TTC6: variants seen among roughly 807,000 people sequenced by gnomAD.
The protein encoded by TTC6 is tetratricopeptide repeat protein 6.
Under a neutral mutation model 210.4 loss-of-function variants are expected in TTC6, and 172 were observed. The observed-to-expected ratio is 0.82, with a 90% CI of 0.72 to 0.93. TTC6 has a LOEUF of 0.93. Ranked by LOEUF, TTC6 falls within the 40% of genes least tolerant of loss-of-function variation. The pLI is 0.00. For missense variants in TTC6, 2,414 were observed against 2,318.1 expected, an observed-to-expected ratio of 1.04 and a Z score of -0.85; for synonymous variants, 804 against 819.6, an observed-to-expected ratio of 0.98 and a Z score of 0.32.
exon 7 of TTC6, chr14:37,724,932 G>T: frequency 6.5e-7 from 1 of 1,526,916 alleles, no homozygotes; most frequent in Non-Finnish European, 8.8e-7. Flanking sequence ...AAGTTGTTTT[G>T]GAATACAGCT....
At chr14:37,615,435 C>T (rs371690775) in intron 2 of TTC6, among the ~76,000 whole-genome samples, 4 of 152,140 alleles carry the variant, frequency 2.6e-5, no homozygotes, top group East Asian at 1.9e-4. Flanking sequence ...TGAATGTTAG[C>T]GCTTTTTGGT....
intron 14 of TTC6, among the ~76,000 whole-genome samples, chr14:37,783,194 A>G (rs968279625): frequency 5.3e-5 from 8 of 152,292 alleles, no homozygotes; most frequent in African/African-American, 1.7e-4. Flanking sequence ...GAATAGTTTC[A>G]GAAGGAAGGG....
chr14:37,630,907 G>GTGTTTTTTTTTTTTTTTTTTTTTT (rs2095668293), intron 1 of TTC6, among the ~76,000 whole-genome samples: 1 of 33,064 alleles, frequency 3.0e-5, no homozygotes. Flanking sequence ...GGCAACCCCT[G>GTGTTTTTTTTTTTTTTTTTTTTTT]TTTTTTTTTT....
intron 22 of TTC6, among the ~76,000 whole-genome samples, chr14:37,807,032 G>A (rs1169976839): frequency 6.6e-6 from 1 of 151,582 alleles, no homozygotes; most frequent in Admixed American, 6.6e-5. Flanking sequence ...GAGGACTTGG[G>A]GTAAAGTATT....
chr14:37,770,300 C>G (rs907138009), intron 14 of TTC6, among the ~76,000 whole-genome samples: 1 of 152,092 alleles, frequency 6.6e-6, no homozygotes, highest in Non-Finnish European at 1.5e-5. Context: ...GTGGAGAGTT[C>G]TGTAGATGTC....
chr14:37,786,609 T>A (rs541280300), intron 14 of TTC6, among the ~76,000 whole-genome samples: 1 of 152,200 alleles, frequency 6.6e-6, no homozygotes, highest in Admixed American at 6.5e-5. Flanking sequence ...TTTGGCTCAC[T>A]GTCCGTGGGC....
chr14:37,652,097 C>T (rs1250726843), intron 1 of TTC6, among the ~76,000 whole-genome samples: 1 of 152,088 alleles, frequency 6.6e-6, no homozygotes, highest in Non-Finnish European at 1.5e-5. Context: ...TGAATTCAGG[C>T]AGGGCAGTAA....
At chr14:37,744,063 A>C (rs2138983311) in intron 10 of TTC6, among the ~76,000 whole-genome samples, 1 of 152,330 alleles carries the variant, frequency 6.6e-6, no homozygotes, top group South Asian at 2.1e-4. Flanking sequence ...ATGAAGGCAA[A>C]GTTTATCAGC....
At chr14:37,832,878 T>C in intron 29 of TTC6, among the ~76,000 whole-genome samples, 1 of 151,720 alleles carries the variant, frequency 6.6e-6, no homozygotes, top group Non-Finnish European at 1.5e-5. Flanking sequence ...GCCAATATGG[T>C]GAAACCCTGC....
intron 2 of TTC6, among the ~76,000 whole-genome samples, chr14:37,614,194 C>A (rs2095639015): frequency 1.3e-5 from 2 of 152,148 alleles, no homozygotes; most frequent in African/African-American, 4.8e-5. Context: ...TTAATAATAT[C>A]TTTTGTTTTT....
intron 1 of TTC6, among the ~76,000 whole-genome samples, chr14:37,633,850 C>G (rs2095674863): frequency 6.6e-6 from 1 of 152,156 alleles, no homozygotes; most frequent in African/African-American, 2.4e-5. Flanking sequence ...AACTCCTAGT[C>G]CCACCATGCA....
chr14:37,792,995 A>G (rs969715124), intron 17 of TTC6, among the ~76,000 whole-genome samples: 5 of 152,150 alleles, frequency 3.3e-5, no homozygotes, highest in Admixed American at 1.3e-4. Context: ...AATCCTCTCC[A>G]ATTCCAGCCA....
rs951124572 is a variant in TTC6, at chr14:37,665,694, C to T, written c.940-14457C>T. On this transcript the variant is annotated intron_variant, in intron 1 of 30. Transcript: ENST00000553443. Reference sequence around the variant, plus strand: ...AAAATGATGAACTGGCAAAATTAACCTTGAGCATCTTGAAGAAAAAGGGCT... The same window carrying T: ...AAAATGATGAACTGGCAAAATTAACTTTGAGCATCTTGAAGAAAAAGGGCT... Among the ~76,000 whole-genome samples, 2 of 150,416 alleles carry T rather than the reference C, an allele frequency of 1.3e-5. 1 individual carries two copies. The highest frequency in any genetic ancestry group is 3.0e-5 in the Non-Finnish European group (2 of 66,986).
intron 2 of TTC6, among the ~76,000 whole-genome samples, chr14:37,607,005 G>A (rs1311906656): frequency 6.6e-6 from 1 of 152,210 alleles, no homozygotes; most frequent in Non-Finnish European, 1.5e-5. Context: ...AATATTGATA[G>A]TATCAAGTTT....
intron 2 of TTC6, 130 bp downstream of exon 4, chr14:37,680,391 G>T: frequency 1.7e-6 from 1 of 603,296 alleles, no homozygotes; most frequent in African/African-American, 1.9e-5. Context: ...ACCTGTGAGA[G>T]CATCTAACTC....
intron 1 of TTC6, among the ~76,000 whole-genome samples, chr14:37,597,025 CA>C (rs2095605975): frequency 8.7e-6 from 1 of 114,318 alleles, no homozygotes; most frequent in South Asian, 2.9e-4. Flanking sequence ...TTTTTTTTTA[CA>C]AAAAGGGTGG....
chr14:37,744,624 G>A (rs553464911), intron 10 of TTC6, among the ~76,000 whole-genome samples: 18 of 152,198 alleles, frequency 1.2e-4, no homozygotes, highest in Non-Finnish European at 1.9e-4. Context: ...ACCATGTGGT[G>A]CCTTGCAGGC....
intron 20 of TTC6, chr14:37,802,332 A>G (rs1277260707): frequency 2.0e-5 from 3 of 152,126 alleles, no homozygotes; most frequent in Admixed American, 1.3e-4. Context: ...GCAAACCACC[A>G]TGGCACGTGT....
intron 1 of TTC6, among the ~76,000 whole-genome samples, chr14:37,673,136 A>G (rs1269400333): frequency 1.3e-5 from 2 of 152,092 alleles, no homozygotes; most frequent in Non-Finnish European, 1.5e-5. Context: ...TATGGAATAC[A>G]GGGTCCAGTC....
Sources: gnomAD v4.1 joint callset for allele counts (sites outside exome capture counted in the v4.1 genomes callset) on GRCh38, gnomAD v4.1.1 for gene constraint, MANE v1.5 for transcripts, NCBI Gene and HGNC (gene_info 2026-07-23, HGNC 2026-07-21) for gene names.